NDST1: variants seen among roughly 807,000 people sequenced by gnomAD.
NDST1 encodes bifunctional heparan sulfate N-deacetylase/N-sulfotransferase 1.
NDST1 carries 35 observed loss-of-function variants against 92.8 expected under a neutral mutation model. The ratio of observed to expected loss-of-function variants is 0.38; its 90% CI spans 0.29 to 0.50. The LOEUF (loss-of-function observed/expected upper bound fraction) is 0.50, where lower values mean the gene tolerates loss of function less well. Ranked by LOEUF, NDST1 falls within the 20% of genes least tolerant of loss-of-function variation. The pLI, the probability that NDST1 is intolerant of heterozygous loss-of-function variation, is 0.94. For synonymous variants in NDST1, 493 were observed against 500.3 expected (o/e 0.99, Z 0.19); for missense variants, 822 against 1,182.7 (o/e 0.69, Z 4.47).
At chr5:150,515,302 A>G (rs1218449690) in intron 1 of NDST1, among the ~76,000 whole-genome samples, 1 of 152,266 alleles carries the variant, frequency 6.6e-6, no homozygotes, top group African/African-American at 2.4e-5. Context: ...TTTAGAGACA[A>G]GTTAGAAGTT....
intron 1 of NDST1, among the ~76,000 whole-genome samples, chr5:150,511,054 C>T (rs1457849200): frequency 6.6e-6 from 1 of 152,190 alleles, no homozygotes; most frequent in Non-Finnish European, 1.5e-5. Flanking sequence ...CCCTTATTAG[C>T]TCTGTGGGCT....
chr5:150,525,274 C>T (rs1754420328), intron 2 of NDST1, among the ~76,000 whole-genome samples: 1 of 152,210 alleles, frequency 6.6e-6, no homozygotes, highest in Admixed American at 6.5e-5. Flanking sequence ...CCATCAGTGA[C>T]TTGGCTTCCT....
intron 3 of NDST1, among the ~76,000 whole-genome samples, chr5:150,528,610 G>A (rs1754578007): frequency 6.6e-6 from 1 of 151,844 alleles, no homozygotes. Context: ...GGCCAACACA[G>A]CGAAACCCCA....
At chr5:150,536,283 T>C (rs964842046) in intron 6 of NDST1, among the ~76,000 whole-genome samples, 2 of 152,046 alleles carry the variant, frequency 1.3e-5, no homozygotes, top group Non-Finnish European at 2.9e-5. Context: ...CCTAGGAGTT[T>C]CATACCAGCC....
At chr5:150,519,685 CA>C (rs540237731) in intron 1 of NDST1, among the ~76,000 whole-genome samples, 145 of 143,460 alleles carry the variant, frequency 1.0e-3, no homozygotes, top group Non-Finnish European at 1.5e-3. Flanking sequence ...AACTCCGCCT[CA>C]AAAAAAAAAA....
At chr5:150,548,135 C>A (rs1755571196) in intron 11 of NDST1, 83 bp from the exon 12 acceptor site, 1 of 1,544,072 alleles carries the variant, frequency 6.5e-7, no homozygotes, top group Non-Finnish European at 8.9e-7. Flanking sequence ...GATCTTCTGG[C>A]CACCTTGCGG....
At chr5:150,513,409 C>T (rs918066820) in intron 1 of NDST1, among the ~76,000 whole-genome samples, 3 of 152,036 alleles carry the variant, frequency 2.0e-5, no homozygotes, top group African/African-American at 7.2e-5. Flanking sequence ...GAAAATCGCT[C>T]GAAGCTTGAA....
chr5:150,536,845 C>T (rs1001877559), intron 6 of NDST1, among the ~76,000 whole-genome samples: 2 of 152,234 alleles, frequency 1.3e-5, no homozygotes, highest in Non-Finnish European at 2.9e-5. Flanking sequence ...GAATTACAGG[C>T]GTGAGCCACT....
chr5:150,540,030 G>A lies in NDST1; in HGVS notation c.1567-52G>A, dbSNP rs557062420. 7.8e-5 allele frequency: 125 copies of A among 1,605,902 alleles called. 3 individuals carry two copies. In the South Asian group the frequency reaches 1.3e-3, roughly 17 times the overall value. ...AGAAGGGTCAGAGTTGGCGGTGAGG[G>A]TGGCTCAGACACTGATGGGCCCTGC... On this transcript the variant is annotated intron_variant, in intron 7 of 14. Transcript: ENST00000261797.
chr5:150,542,580 C>T, intron 9 of NDST1, among the ~76,000 whole-genome samples: 1 of 152,180 alleles, frequency 6.6e-6, no homozygotes, highest in South Asian at 2.1e-4. Context: ...GATTCTGAGG[C>T]CACGTCCTCG....
At chr5:150,546,887 C>T (rs755790185) in intron 11 of NDST1, among the ~76,000 whole-genome samples, 3 of 152,190 alleles carry the variant, frequency 2.0e-5, no homozygotes, top group Non-Finnish European at 4.4e-5. Context: ...AGAAGAAAAC[C>T]GAGAAACACT....
chr5:150,498,981 C>T (rs1009619080), intron 1 of NDST1, among the ~76,000 whole-genome samples: 13 of 152,182 alleles, frequency 8.5e-5, no homozygotes, highest in Non-Finnish European at 2.9e-5. Flanking sequence ...GAGGTACACC[C>T]CACTCCCTAT....
intron 1 of NDST1, among the ~76,000 whole-genome samples, chr5:150,514,223 C>T (rs1480591520): frequency 6.6e-6 from 1 of 152,214 alleles, no homozygotes. Flanking sequence ...TTATTTTACT[C>T]AACTGTAAAT....
chr5:150,516,116 GA>G (rs1329413040), intron 1 of NDST1, among the ~76,000 whole-genome samples: 2 of 152,252 alleles, frequency 1.3e-5, no homozygotes, highest in Non-Finnish European at 2.9e-5. Context: ...AGCCTCCAAA[GA>G]TAGGGCTACT....
At chr5:150,547,576 T>C (rs1755543103) in intron 11 of NDST1, among the ~76,000 whole-genome samples, 1 of 152,256 alleles carries the variant, frequency 6.6e-6, no homozygotes, top group South Asian at 2.1e-4. Flanking sequence ...AAATGCTCAC[T>C]TTAGTGCAAG....
At chr5:150,505,798 GA>G, upstream of NDST1, among the ~76,000 whole-genome samples, 2 of 152,102 alleles carry the variant, frequency 1.3e-5, no homozygotes, top group Middle Eastern at 6.8e-3. Context: ...ATTTTTTTTA[GA>G]GATGGGGTCT....
chr5:150,521,451 G>A lies in NDST1; in HGVS notation c.197G>A (p.Arg66His), dbSNP rs761957648. ...CGDPPPVAPS[R>H]LLPLKPVQAA... ...GACCCGCCGCCTGTGGCCCCCAGTC[G>A]CCTGCTGCCACTCAAGCCTGTGCAG... Residue 66 changes from arginine to histidine, a missense_variant, in exon 2 of 15, where the codon CGC becomes CAC. By Grantham distance (29) the Arg-to-His change is conservative. Coordinates refer to ENST00000261797, the MANE Select transcript of NDST1 (RefSeq NM_001543.5). This position sits in a 1 kb window ranked among gnomAD's most constrained non-coding sequence, Gnocchi z 5.9. 1.4e-5 allele frequency: 22 copies of A among 1,613,196 alleles called. No individual in the cohort carries two copies. The highest frequency in any genetic ancestry group is 3.3e-5 in the Admixed American group (2 of 60,002).
At chr5:150,540,475 G>GACCTACAT (rs778786261) in intron 8 of NDST1, among the ~76,000 whole-genome samples, 14 of 152,084 alleles carry the variant, frequency 9.2e-5, no homozygotes, top group Non-Finnish European at 4.4e-5. Flanking sequence ...TCCCCACGCA[G>GACCTACAT]ACCTACATGC....
intron 1 of NDST1, chr5:150,498,357 T>C (rs1753084878): frequency 1.3e-5 from 2 of 152,254 alleles, no homozygotes; most frequent in South Asian, 4.1e-4. Flanking sequence ...TCGTGCTTGG[T>C]ACAAAGTAAT....
Sources: gnomAD v4.1 joint callset for allele counts (sites outside exome capture counted in the v4.1 genomes callset) on GRCh38, gnomAD v4.1.1 for gene constraint, Gnocchi (gnomAD v3.1) non-coding constraint, MANE v1.5 for transcripts, NCBI Gene and HGNC (gene_info 2026-07-23, HGNC 2026-07-21) for gene names.